The following CNMD variants were observed in gnomAD, a reference collection of about 807,000 sequenced individuals.
CNMD encodes leukocyte cell-derived chemotaxin 1.
A neutral mutation model predicts 37.5 loss-of-function variants in CNMD; 30 were observed. That is an observed-to-expected ratio of 0.80 (90% CI 0.60 to 1.09). The LOEUF is 1.09. Ranked by LOEUF, CNMD falls within the 50% of genes least tolerant of loss-of-function variation. The pLI, the probability that CNMD is intolerant of heterozygous loss-of-function variation, is 0.00. For missense variants in CNMD, 398 were observed against 423.9 expected (o/e 0.94, Z 0.54); for synonymous variants, 167 against 148.2 (o/e 1.13, Z -0.92).
In CNMD at chr13:52,739,786, A is replaced by C. The variant is rs1964856906; in HGVS notation, c.-85T>G. On this transcript the variant is annotated 5_prime_UTR_variant, in exon 1 of 7. Coordinates refer to ENST00000377962, the MANE Select transcript of CNMD (RefSeq NM_007015.3). The surrounding 1 kb of genome is among the most constrained non-coding windows in gnomAD (Gnocchi z 5.4). ...GCTGCCCCGACGTGCAGGGCATTTCAACGCCGCGCGCACACACGGTGCACG... is the reference window on the plus strand; with the variant it reads ...GCTGCCCCGACGTGCAGGGCATTTCCACGCCGCGCGCACACACGGTGCACG... 3.3e-6 allele frequency: 4 copies of C among 1,205,280 alleles called. No homozygotes were observed. Among genetic ancestry groups the C allele is most frequent in the Non-Finnish European group, 4.9e-6 (4 of 821,920 alleles). 74.7% of individuals were successfully genotyped at this position (1,205,280 alleles called of 1,614,324 possible).
Position 52,712,859 on chromosome 13 carries a change from A to T in CNMD, c.479T>A (p.Ile160Asn). The change falls in exon 5 of 7, where the codon ATC (isoleucine) becomes AAC (asparagine). Residue 160 changes from isoleucine (I) to asparagine (N), a missense_variant. Coordinates refer to ENST00000377962, the MANE Select transcript of CNMD (RefSeq NM_007015.3). The part of the protein sequence containing the change: ...QSISSKLEGK[I>N]MPVKYEENSL... ...ATTTTCTTCATATTTGACTGGCATGATCTTGCCTTCCTGAAAGTAAAAACG... is the reference window on the plus strand; with the variant it reads ...ATTTTCTTCATATTTGACTGGCATGTTCTTGCCTTCCTGAAAGTAAAAACG... 1 of 1,562,050 alleles carries T rather than the reference A, an allele frequency of 6.4e-7. No individual in the cohort carries two copies. The highest frequency in any genetic ancestry group is 8.6e-7 in the Non-Finnish European group (1 of 1,158,874).
chr13:52,711,240 G>GGTA (rs1964285156), intron 5 of CNMD, among the ~76,000 whole-genome samples: 1 of 152,120 alleles, frequency 6.6e-6, no homozygotes, highest in Admixed American at 6.5e-5. Context: ...AGCTCTAACT[G>GGTA]GTAGCACACT....
At chr13:52,731,409 G>A (rs1333230049) in intron 3 of CNMD, among the ~76,000 whole-genome samples, 2 of 152,258 alleles carry the variant, frequency 1.3e-5, no homozygotes, top group East Asian at 3.9e-4. Flanking sequence ...AAGTAATAGT[G>A]TAGGTACCAT....
chr13:52,731,862 T>C (rs1185158826), intron 3 of CNMD, among the ~76,000 whole-genome samples: 1 of 152,232 alleles, frequency 6.6e-6, no homozygotes, highest in African/African-American at 2.4e-5. Flanking sequence ...GATTTTACCC[T>C]GTCCTGGGTC....
At chr13:52,720,000 T>C (rs143398020) in intron 4 of CNMD, among the ~76,000 whole-genome samples, 250 of 152,316 alleles carry the variant, frequency 1.6e-3, no homozygotes, top group African/African-American at 5.8e-3. Flanking sequence ...CATAGTCCCA[T>C]ATTTCTTGGA....
chr13:52,712,007 CT>C (rs1213888935), intron 5 of CNMD, among the ~76,000 whole-genome samples: 2 of 152,084 alleles, frequency 1.3e-5, no homozygotes, highest in Non-Finnish European at 2.9e-5. Context: ...GGAGAAAGGC[CT>C]TTTTTTTCCC....
rs1964839863 is a variant in CNMD at position 52,739,233 on chromosome 13, C to A, written c.73-62G>T. The A allele has an allele frequency of 7.1e-7, 1 of 1,410,556 alleles. No individual in the cohort carries two copies. Among genetic ancestry groups the A allele is most frequent in the Non-Finnish European group, 9.2e-7 (1 of 1,085,958 alleles). The allele number at this position is 1,410,556 out of a possible 1,614,324, so 87.4% of individuals were successfully genotyped here. Reference sequence around the variant, plus strand: ...TGCCGCCAGCACCTGCGGCCCCCAGCGCACCCGGGCCCCACGCGGTAGCCC... The same window carrying A: ...TGCCGCCAGCACCTGCGGCCCCCAGAGCACCCGGGCCCCACGCGGTAGCCC... On this transcript the variant is annotated intron_variant, in intron 1 of 6. Coordinates refer to ENST00000377962, the MANE Select transcript of CNMD (RefSeq NM_007015.3). The surrounding 1 kb of genome is among the most constrained non-coding windows in gnomAD (Gnocchi z 5.4).
chr13:52,719,054 T>G (rs1964437101), intron 4 of CNMD, among the ~76,000 whole-genome samples: 1 of 152,226 alleles, frequency 6.6e-6, no homozygotes, highest in Non-Finnish European at 1.5e-5. Context: ...GTTCTTCTGG[T>G]TGCATTGATC....
chr13:52,725,107 A>G (rs1375926979), intron 3 of CNMD, among the ~76,000 whole-genome samples: 1 of 152,182 alleles, frequency 6.6e-6, no homozygotes, highest in Non-Finnish European at 1.5e-5. Flanking sequence ...CACCTTCTCC[A>G]TGCAGCCTTC....
rs754037398 is a variant in CNMD, at chr13:52,723,979, AG to A, written c.468+17del. The stretch of plus-strand genomic sequence containing the variant: ...GTTTGCCAAGCAGTCTCACTGTCTC[AG>A]GCATGTTGGTACCCACCAGTTTGGA... On this transcript the variant is annotated intron_variant, in intron 4 of 6. Transcript: ENST00000377962. 6.8e-7 allele frequency: 1 copy of A among 1,478,500 alleles called. No individual in the cohort carries two copies. The highest frequency in any genetic ancestry group is 1.1e-5 in the South Asian group (1 of 88,360). The allele number at this position is 1,478,500 out of a possible 1,614,324, so 91.6% of individuals were successfully genotyped here.
rs1385160367 is a variant in CNMD at position 52,739,067 on chromosome 13, G to A, written c.177C>T (p.Ile59=). 1 of 1,580,262 alleles carries A rather than the reference G, an allele frequency of 6.3e-7. No homozygotes were observed. Among genetic ancestry groups the A allele is most frequent in the East Asian group, 2.5e-5 (1 of 39,394 alleles). The change falls in exon 2 of 7, where the codon ATC becomes ATT. Residue 59 remains isoleucine, a synonymous_variant. Coordinates refer to ENST00000377962, the MANE Select transcript of CNMD (RefSeq NM_007015.3). The surrounding 1 kb of genome is among the most constrained non-coding windows in gnomAD (Gnocchi z 5.4). ...TCCCCTTCCAGAAGTAGAAGGCCCC[G>A]ATGGCCCCAAAGAGCAGCAGCACAG... The part of the protein sequence containing the change: ...SGAVLLLFGA[I]GAFYFWKGSD...
intron 4 of CNMD, among the ~76,000 whole-genome samples, chr13:52,715,431 C>A (rs893892458): frequency 1.3e-5 from 2 of 152,038 alleles, no homozygotes; most frequent in Non-Finnish European, 2.9e-5. Context: ...ATACACATGC[C>A]ATGGTGGTTT....
chr13:52,732,225 C>T (rs1964684114), intron 3 of CNMD, among the ~76,000 whole-genome samples: 1 of 152,126 alleles, frequency 6.6e-6, no homozygotes, highest in Non-Finnish European at 1.5e-5. Flanking sequence ...TCAGAAGAGA[C>T]ATTATTTTCA....
chr13:52,725,502 ACAT>A (rs1227757000), intron 3 of CNMD, among the ~76,000 whole-genome samples: 1 of 152,144 alleles, frequency 6.6e-6, no homozygotes, highest in Non-Finnish European at 1.5e-5. Flanking sequence ...CTCAAGGGAA[ACAT>A]CAGCCACAAA....
At chr13:52,733,443 T>G (rs1566232192) in intron 2 of CNMD, 84 bp from the exon 3 acceptor site, 1 of 1,198,346 alleles carries the variant, frequency 8.3e-7, no homozygotes. Context: ...TATGAGGTAG[T>G]GTCCATATGT....
In CNMD at chr13:52,712,888, G is replaced by A. The variant is rs2147692; in HGVS notation, c.469-19C>T. ...TGCCTTCCTGAAAGTAAAAACGATTGCATTTGAGCAAAGAGGACAGTGAAA... is the reference window on the plus strand; with the variant it reads ...TGCCTTCCTGAAAGTAAAAACGATTACATTTGAGCAAAGAGGACAGTGAAA... On this transcript the variant is annotated intron_variant, in intron 4 of 6. Transcript: ENST00000377962. The A allele has an allele frequency of 1.1e-5, 16 of 1,523,474 alleles. No individual in the cohort carries two copies. The highest frequency in any genetic ancestry group is 1.4e-5 in the Non-Finnish European group (16 of 1,136,298). The allele number at this position is 1,523,474 out of a possible 1,614,324, so 94.4% of individuals were successfully genotyped here.
chr13:52,726,608 A>G (rs891459336), intron 3 of CNMD, among the ~76,000 whole-genome samples: 1 of 152,158 alleles, frequency 6.6e-6, no homozygotes, highest in African/African-American at 2.4e-5. Flanking sequence ...CACACCTATG[A>G]AAGCAAATTT....
intron 4 of CNMD, among the ~76,000 whole-genome samples, chr13:52,717,803 C>A (rs1964414962): frequency 6.6e-6 from 1 of 152,020 alleles, no homozygotes; most frequent in Admixed American, 6.6e-5. Context: ...CTGAAATTTT[C>A]TTTTTTTGTT....
chr13:52,727,232 G>A (rs1269629178), intron 3 of CNMD, among the ~76,000 whole-genome samples: 1 of 152,020 alleles, frequency 6.6e-6, no homozygotes, highest in African/African-American at 2.4e-5. Context: ...TGGCACCACC[G>A]CACTTCAGCC....
Sources: gnomAD v4.1 joint callset for allele counts (sites outside exome capture counted in the v4.1 genomes callset) on GRCh38, gnomAD v4.1.1 for gene constraint, Gnocchi (gnomAD v3.1) non-coding constraint, MANE v1.5 for transcripts, NCBI Gene and HGNC (gene_info 2026-07-23, HGNC 2026-07-21) for gene names.